Variants in STXBP4 observed in about 807,000 individuals in gnomAD.
STXBP4 encodes syntaxin binding protein 4.
A neutral mutation model predicts 76.1 loss-of-function variants in STXBP4; 55 were observed. The observed-to-expected ratio is 0.72, with a 90% CI of 0.58 to 0.91. The LOEUF (loss-of-function observed/expected upper bound fraction) is 0.91. STXBP4 is among the 40% of genes least tolerant of loss of function. STXBP4 has a pLI of 0.00. For synonymous variants in STXBP4, 201 were observed against 220.2 expected, an observed-to-expected ratio of 0.91 and a Z score of 0.77; for missense variants, 618 against 636.9, an observed-to-expected ratio of 0.97 and a Z score of 0.32.
At chr17:55,063,755 A>G (rs1290712651) in intron 12 of STXBP4, among the ~76,000 whole-genome samples, 2 of 152,234 alleles carry the variant, frequency 1.3e-5, no homozygotes, top group Non-Finnish European at 2.9e-5. Context: ...AGGCATATCT[A>G]TATAGGAAAG....
At chr17:55,156,940 G>A (rs757026703) in intron 17 of STXBP4, among the ~76,000 whole-genome samples, 6 of 151,994 alleles carry the variant, frequency 3.9e-5, no homozygotes, top group Non-Finnish European at 7.4e-5. Flanking sequence ...CTATAACTAC[G>A]TTTTTTTCTT....
intron 10 of STXBP4, among the ~76,000 whole-genome samples, chr17:55,042,513 T>C (rs2078718986): frequency 6.6e-6 from 1 of 152,160 alleles, no homozygotes; most frequent in Non-Finnish European, 1.5e-5. Flanking sequence ...CTTAGTCCTT[T>C]AAATTATATT....
chr17:55,078,211 T>A lies in STXBP4; in HGVS notation c.1305+17T>A. 1 of 1,511,582 alleles carries A rather than the reference T, an allele frequency of 6.6e-7. No homozygotes were observed. Among genetic ancestry groups the A allele is most frequent in the Non-Finnish European group, 9.1e-7 (1 of 1,097,082 alleles). 93.6% of individuals were successfully genotyped at this position (1,511,582 alleles called of 1,614,324 possible). Reference sequence around the variant, plus strand: ...TTTGTAGAGGTAAGTTTTTCTGTTCTATTACATTCATCTTTAAAAAATATA... The same window carrying A: ...TTTGTAGAGGTAAGTTTTTCTGTTCAATTACATTCATCTTTAAAAAATATA... On this transcript the variant is annotated intron_variant, in intron 14 of 17. Coordinates refer to ENST00000376352, the MANE Select transcript of STXBP4 (RefSeq NM_178509.6).
At chr17:54,987,603 T>C (rs12450561) in intron 3 of STXBP4, among the ~76,000 whole-genome samples, 5,503 of 152,296 alleles carry the variant, frequency 0.036, 123 homozygotes, top group Middle Eastern at 0.075. Context: ...ATTCAGCCAC[T>C]ATATTATGGA....
Position 55,141,386 on chromosome 17 carries a change from A to C in STXBP4, c.1547+19A>C. 1.9e-6 allele frequency: 3 copies of C among 1,603,054 alleles called. No homozygotes were observed. The highest frequency in any genetic ancestry group is 1.7e-6 in the Non-Finnish European group (2 of 1,174,866). On this transcript the variant is annotated intron_variant, in intron 17 of 17. Transcript: ENST00000376352. ...TCATCAAGTAAGTACAAGCATCTCAACCAAGTAAGCAATTTTCTTCACATC... is the reference window on the plus strand; with the variant it reads ...TCATCAAGTAAGTACAAGCATCTCACCCAAGTAAGCAATTTTCTTCACATC...
chr17:55,004,360 T>C (rs72628376), intron 7 of STXBP4, among the ~76,000 whole-genome samples: 6,971 of 152,176 alleles, frequency 0.046, 252 homozygotes, highest in East Asian at 0.2. Context: ...ATCCTTTCCT[T>C]ACAAAACATT....
intron 8 of STXBP4, among the ~76,000 whole-genome samples, chr17:55,009,743 T>C (rs1228819004): frequency 1.3e-5 from 2 of 152,118 alleles, no homozygotes; most frequent in Non-Finnish European, 2.9e-5. Context: ...TTTTTTCAGT[T>C]TGAAACTATA....
In STXBP4 at chr17:54,999,651, A is replaced by G. The variant is rs929652811; in HGVS notation, c.307A>G (p.Ile103Val). 5 of 1,613,584 alleles carry G rather than the reference A, an allele frequency of 3.1e-6. No homozygotes were observed. The African/African-American group carries it at 5.3e-5, about 17-fold the overall frequency. ...TACTAGGTTAGAATCTGCTTGGGAGATAGCATTCATAAGACAAAAATCCGA... is the reference window on the plus strand; with the variant it reads ...TACTAGGTTAGAATCTGCTTGGGAGGTAGCATTCATAAGACAAAAATCCGA... ...AKLRLESAWE[I>V]AFIRQKSDNI... The change falls in exon 6 of 18, where the codon ATA becomes GTA. Residue 103 changes from isoleucine to valine, a missense_variant. Ile to Val is a conservative substitution (Grantham distance 29). Coordinates refer to ENST00000376352, the MANE Select transcript of STXBP4 (RefSeq NM_178509.6).
At chr17:55,176,745 T>C (rs2080432355), downstream of STXBP4, among the ~76,000 whole-genome samples, 1 of 152,182 alleles carries the variant, frequency 6.6e-6, no homozygotes, top group Admixed American at 6.5e-5. Flanking sequence ...CCAATGAAGA[T>C]CTGCCCTCAG....
chr17:55,061,346 A>G (rs2078992989), intron 12 of STXBP4, among the ~76,000 whole-genome samples: 2 of 152,186 alleles, frequency 1.3e-5, no homozygotes, highest in Non-Finnish European at 2.9e-5. Context: ...CAAAGCCTCT[A>G]ATTTTCAGAA....
chr17:55,031,182 T>C lies in STXBP4; in HGVS notation c.681T>C (p.Leu227=). 1 of 1,613,116 alleles carries C rather than the reference T, an allele frequency of 6.2e-7. No individual in the cohort carries two copies. Among genetic ancestry groups the C allele is most frequent in the Non-Finnish European group, 8.5e-7 (1 of 1,179,294 alleles). Residue 227 remains leucine (L), a synonymous_variant, in exon 9 of 18, where the codon CTT becomes CTC. Coordinates refer to ENST00000376352, the MANE Select transcript of STXBP4 (RefSeq NM_178509.6). ...TTATCTTCCAGGCTCTAAATTATCT[T>C]GGTATTCAGCCCACAAAGGAACAAC... ...AEKLEMALNY[L]GIQPTKEQHQ...
chr17:55,064,807 C>T lies in STXBP4; in HGVS notation c.1012-8093C>T, dbSNP rs528016355. Among the ~76,000 whole-genome samples, 4 of 152,250 alleles carry T rather than the reference C, an allele frequency of 2.6e-5. No individual in the cohort carries two copies. In the South Asian group the frequency reaches 8.3e-4, roughly 32 times the overall value. ...TCTAATTTTTTTTGAAGTTTTTAAA[C>T]ATAAATGTTTTTGTGTTGTCAAACC... On this transcript the variant is annotated intron_variant, in intron 12 of 17. Transcript: ENST00000376352.
the STXBP4 span, among the ~76,000 whole-genome samples, chr17:55,185,214 T>C: frequency 2.7e-5 from 1 of 37,324 alleles, no homozygotes; most frequent in Non-Finnish European, 5.4e-5. Context: ...CTTCTTCTTC[T>C]TCTTCTTCTT....
chr17:55,198,812 T>C, the STXBP4 span, among the ~76,000 whole-genome samples: 1 of 152,192 alleles, frequency 6.6e-6, no homozygotes, highest in Non-Finnish European at 1.5e-5. Context: ...TCAGAAACCA[T>C]TGTGGCATAC....
At chr17:54,978,813 GTTA>G (rs966606433) in intron 1 of STXBP4, among the ~76,000 whole-genome samples, 3 of 152,208 alleles carry the variant, frequency 2.0e-5, no homozygotes, top group Non-Finnish European at 2.9e-5. Flanking sequence ...CCAAGTGTCA[GTTA>G]TTGTTTACAT....
chr17:55,022,496 A>C (rs539581051), intron 8 of STXBP4, among the ~76,000 whole-genome samples: 1 of 152,268 alleles, frequency 6.6e-6, no homozygotes, highest in East Asian at 1.9e-4. Context: ...GGCACTGTAA[A>C]ATTGGTGGTA....
At chr17:55,082,683 C>A (rs1459480031) in intron 16 of STXBP4, among the ~76,000 whole-genome samples, 1 of 151,998 alleles carries the variant, frequency 6.6e-6, no homozygotes, top group Non-Finnish European at 1.5e-5. Context: ...TCCAAAAATG[C>A]CCCCTAGGTG....
In STXBP4 at chr17:55,171,609, T is replaced by C. The variant is rs955149390; in HGVS notation, c.*11698T>C. 3 of 152,210 alleles carry C rather than the reference T, an allele frequency of 2.0e-5. No homozygotes were observed. The highest frequency in any genetic ancestry group is 7.2e-5 in the African/African-American group (3 of 41,442). The allele number at this position is 152,210 out of a possible 1,614,324, so 9.4% of individuals were successfully genotyped here. ...CATGGTATTTTAGAGTACACCTGAA[T>C]AAGATACATGGTGCCATGTACATGG... is the stretch of plus-strand genomic sequence containing the variant. On this transcript the variant is annotated 3_prime_UTR_variant, in exon 18 of 18. Coordinates refer to ENST00000376352, the MANE Select transcript of STXBP4 (RefSeq NM_178509.6).
intron 11 of STXBP4, 148 bp from the exon 12 acceptor site, chr17:55,046,941 T>G (rs569871395): frequency 1.9e-6 from 1 of 536,160 alleles, no homozygotes; most frequent in African/African-American, 1.9e-5. Context: ...AAGTGCCTCA[T>G]GTAAAGCCAG....
Sources: gnomAD v4.1 joint callset for allele counts (sites outside exome capture counted in the v4.1 genomes callset) on GRCh38, gnomAD v4.1.1 for gene constraint, MANE v1.5 for transcripts, NCBI Gene and HGNC (gene_info 2026-07-23, HGNC 2026-07-21) for gene names.